The following MICAL2 variants were observed in gnomAD, a reference collection of about 807,000 sequenced individuals.
MICAL2 encodes the protein microtubule associated monooxygenase, calponin and LIM domain containing 2.
MICAL2 carries 77 observed loss-of-function variants against 127.3 expected under a neutral mutation model. The observed-to-expected ratio is 0.60, with a 90% CI of 0.50 to 0.73. The LOEUF (loss-of-function observed/expected upper bound fraction) is 0.73. Among genes scored for constraint, MICAL2 ranks in the 30% least tolerant of loss-of-function variants. The pLI is 0.00. For missense variants in MICAL2, 1,351 were observed against 1,434.4 expected (o/e 0.94, Z 0.94); for synonymous variants, 570 against 551.1 (o/e 1.03, Z -0.48).
chr11:12,143,275 G>T (rs1315062576), intron 2 of MICAL2, among the ~76,000 whole-genome samples: 5 of 152,176 alleles, frequency 3.3e-5, no homozygotes, highest in African/African-American at 1.2e-4. Context: ...GAGGAGTAGT[G>T]GGCATGCTTT....
intron 29 of MICAL2, among the ~76,000 whole-genome samples, chr11:12,316,843 C>A (rs1365127847): frequency 6.6e-6 from 1 of 152,184 alleles, no homozygotes; most frequent in African/African-American, 2.4e-5. Context: ...CCTTTGAAGG[C>A]TTGCTTTTAA....
intron 3 of MICAL2, among the ~76,000 whole-genome samples, chr11:12,176,032 A>G (rs1445456818): frequency 6.6e-6 from 1 of 152,158 alleles, no homozygotes; most frequent in Admixed American, 6.5e-5. Flanking sequence ...AATCTTGGGG[A>G]TGAAAAACGT....
intron 25 of MICAL2, 49 bp from the exon 26 acceptor site, chr11:12,259,746 C>A (rs776210651): frequency 6.1e-6 from 9 of 1,471,364 alleles, no homozygotes; most frequent in South Asian, 2.7e-5. Flanking sequence ...TTGAAGTAGT[C>A]CTCTGGAAGA....
intron 24 of MICAL2, among the ~76,000 whole-genome samples, chr11:12,269,621 A>G (rs1863651968): frequency 6.6e-6 from 1 of 152,182 alleles, no homozygotes; most frequent in Non-Finnish European, 1.5e-5. Context: ...CCCAGTGTCC[A>G]GGATGAGGGC....
At chr11:12,352,251 T>G (rs1493963) in intron 33 of MICAL2, among the ~76,000 whole-genome samples, 80,705 of 152,120 alleles carry the variant, frequency 0.53, 21,580 homozygotes, top group Non-Finnish European at 0.57. Flanking sequence ...TTTAAAAGTG[T>G]AAAAAATTTA....
intron 3 of MICAL2, among the ~76,000 whole-genome samples, chr11:12,186,032 G>A (rs558040825): frequency 5.6e-4 from 86 of 152,348 alleles, no homozygotes; most frequent in African/African-American, 1.6e-3. Context: ...GGGCACTGGC[G>A]AGCATTTCCT....
chr11:12,327,273 C>T (rs1397121989), intron 32 of MICAL2: 2 of 1,548,478 alleles, frequency 1.3e-6, no homozygotes, highest in South Asian at 2.4e-5. Context: ...GCAGGTACGG[C>T]ATCCCAGCAG....
At chr11:12,205,093 T>C (rs938680732) in intron 4 of MICAL2, among the ~76,000 whole-genome samples, 1 of 152,112 alleles carries the variant, frequency 6.6e-6, no homozygotes, top group Non-Finnish European at 1.5e-5. Context: ...GAGAACATCA[T>C]GATGGGACTT....
At chr11:12,197,931 T>G (rs1860154796) in intron 3 of MICAL2, 1 of 152,216 alleles carries the variant, frequency 6.6e-6, no homozygotes, top group Non-Finnish European at 1.5e-5. Context: ...TTTTTCCATT[T>G]TATTTCTGTA....
At chr11:12,351,752 A>AG (rs61169318) in intron 33 of MICAL2, among the ~76,000 whole-genome samples, 11,233 of 151,690 alleles carry the variant, frequency 0.074, 729 homozygotes, top group African/African-American at 0.16. Context: ...ATTGGGAAGA[A>AG]GGGGGGTCAT....
intron 3 of MICAL2, among the ~76,000 whole-genome samples, chr11:12,171,998 C>T (rs553522464): frequency 2.3e-4 from 35 of 152,214 alleles, no homozygotes. Flanking sequence ...TACAGCTCAT[C>T]TCAGTTAAGT....
chr11:12,222,167 GGGCTTCTTCCCA>G (rs1467590969), intron 10 of MICAL2, among the ~76,000 whole-genome samples: 1 of 152,180 alleles, frequency 6.6e-6, no homozygotes, highest in African/African-American at 2.4e-5. Context: ...CTGAGATCCT[GGGCTTCTTCCCA>G]GACCCCTGCT....
intron 1 of MICAL2, among the ~76,000 whole-genome samples, chr11:12,120,531 G>A (rs1428285009): frequency 6.6e-6 from 1 of 152,240 alleles, no homozygotes; most frequent in East Asian, 1.9e-4. Flanking sequence ...CCGAGACAGA[G>A]TATGGAATGT....
chr11:12,116,338 G>T (rs1850025925), intron 1 of MICAL2, among the ~76,000 whole-genome samples: 1 of 144,646 alleles, frequency 6.9e-6, no homozygotes, highest in African/African-American at 2.5e-5. Context: ...CTAATGTTAG[G>T]CTCTTGATTT....
intron 1 of MICAL2, among the ~76,000 whole-genome samples, chr11:12,278,496 C>G (rs539312449): frequency 6.6e-6 from 1 of 152,230 alleles, no homozygotes; most frequent in African/African-American, 2.4e-5. Context: ...ATGGGACCAC[C>G]ATCAAATATG....
chr11:12,284,728 AGCC>A (rs1223513154), intron 2 of MICAL2, among the ~76,000 whole-genome samples: 1 of 152,190 alleles, frequency 6.6e-6, no homozygotes, highest in East Asian at 1.9e-4. Flanking sequence ...CAGCCTGGAA[AGCC>A]CAGGCAGCCA....
At chr11:12,331,413 TTTC>T (rs57470762) in intron 32 of MICAL2, among the ~76,000 whole-genome samples, 5,603 of 152,190 alleles carry the variant, frequency 0.037, 362 homozygotes, top group African/African-American at 0.13. Context: ...AGCCAGATGG[TTTC>T]TTCTTCCCGG....
chr11:12,265,700 A>G (rs1863601697), downstream of MICAL2, among the ~76,000 whole-genome samples: 1 of 152,248 alleles, frequency 6.6e-6, no homozygotes, highest in South Asian at 2.1e-4. Context: ...TCAATGATAA[A>G]TAGGCAAAGG....
At chr11:12,258,372 T>C (rs539798752) in intron 24 of MICAL2, 96 bp from the exon 25 acceptor site, 3 of 924,726 alleles carry the variant, frequency 3.2e-6, no homozygotes, top group East Asian at 2.4e-5. Flanking sequence ...CGTTACTATT[T>C]TCTGACTTGG....
Sources: allele counts gnomAD v4.1 joint callset (sites outside exome capture counted in the v4.1 genomes callset), GRCh38; gene constraint gnomAD v4.1.1; transcripts MANE v1.5; gene names NCBI Gene and HGNC (gene_info 2026-07-23, HGNC 2026-07-21).